Variants in ANK1 observed in about 807,000 individuals in gnomAD.
ANK1 encodes ankyrin-1.
Under a neutral mutation model 210.4 loss-of-function variants are expected in ANK1, and 51 were observed. The observed-to-expected ratio is 0.24, with a 90% CI of 0.19 to 0.31. The LOEUF is 0.31. Ranked by LOEUF, ANK1 falls within the 10% of genes least tolerant of loss-of-function variation. The pLI, the probability that ANK1 is intolerant of heterozygous loss-of-function variation, is 1.00. For missense variants in ANK1, 2,051 were observed against 2,504.4 expected (o/e 0.82, Z 3.86); for synonymous variants, 967 against 1,025.9 (o/e 0.94, Z 1.10).
chr8:41,754,523 G>C (rs146600072), intron 2 of ANK1, among the ~76,000 whole-genome samples: 33 of 152,318 alleles, frequency 2.2e-4, no homozygotes, highest in Non-Finnish European at 3.5e-4. Context: ...CTATTTGAAA[G>C]TGTGTTACTT....
chr8:41,798,309 G>T (rs1004640064), upstream of ANK1, among the ~76,000 whole-genome samples: 1 of 152,186 alleles, frequency 6.6e-6, no homozygotes, highest in African/African-American at 2.4e-5. Context: ...CTTAGTGGCC[G>T]ATTTGCAGGG....
intron 2 of ANK1, among the ~76,000 whole-genome samples, chr8:41,752,223 A>G (rs1037490327): frequency 2.6e-5 from 4 of 151,886 alleles, no homozygotes; most frequent in African/African-American, 7.3e-5. Flanking sequence ...GCTATTGTCT[A>G]TTTCCTTCAC....
rs188236496 is a variant in ANK1 at position 41,742,029 on chromosome 8, C to A, written c.130-7960G>T. ...TGACAGGATTGTTCTGAAAAGCGAT[C>A]TGTGTGATGGGCGGGGAAGGAGACC... On this transcript the variant is annotated intron_variant, in intron 2 of 42. Transcript: ENST00000289734. Among the ~76,000 whole-genome samples, 275 of 152,304 alleles carry A rather than the reference C, an allele frequency of 1.8e-3. 1 individual carries two copies. The highest frequency in any genetic ancestry group is 6.3e-3 in the African/African-American group (263 of 41,564).
intron 24 of ANK1, 107 bp from the exon 25 acceptor site, chr8:41,696,880 C>A: frequency 9.1e-7 from 1 of 1,104,546 alleles, no homozygotes. Flanking sequence ...AACCAGGTGC[C>A]ACGTGGAGAA....
At chr8:41,769,163 T>TA (rs1842498453) in intron 1 of ANK1, among the ~76,000 whole-genome samples, 1 of 152,126 alleles carries the variant, frequency 6.6e-6, no homozygotes, top group Non-Finnish European at 1.5e-5. Flanking sequence ...CCATGGGGGT[T>TA]AAAAAACTGG....
chr8:41,780,076 C>T (rs553266542), intron 1 of ANK1, among the ~76,000 whole-genome samples: 2 of 152,298 alleles, frequency 1.3e-5, no homozygotes, highest in South Asian at 2.1e-4. Context: ...CAAGTGCCTA[C>T]CCTGTGCTGA....
intron 2 of ANK1, among the ~76,000 whole-genome samples, chr8:41,756,815 G>A (rs1305722371): frequency 6.6e-6 from 1 of 152,172 alleles, no homozygotes; most frequent in Non-Finnish European, 1.5e-5. Flanking sequence ...GAGGCATGTC[G>A]CCCATGGAAA....
At chr8:41,655,826 G>T in intron 42 of ANK1, 73 bp from the exon 43 acceptor site, 1 of 1,535,342 alleles carries the variant, frequency 6.5e-7, no homozygotes, top group Non-Finnish European at 9.0e-7. Flanking sequence ...CCCACACACA[G>T]AGTTTTGTGC....
intron 1 of ANK1, among the ~76,000 whole-genome samples, chr8:41,839,685 A>C (rs550222181): frequency 6.6e-6 from 1 of 152,286 alleles, no homozygotes; most frequent in African/African-American, 2.4e-5. Context: ...CTCAGCCAAA[A>C]TGACATTCCA....
intron 1 of ANK1, among the ~76,000 whole-genome samples, chr8:41,892,600 C>T (rs887448599): frequency 3.9e-5 from 6 of 152,192 alleles, no homozygotes; most frequent in Admixed American, 2.6e-4. Context: ...GAATCCACTG[C>T]ACCAAAAGAT....
intron 1 of ANK1, among the ~76,000 whole-genome samples, chr8:41,818,467 A>G (rs2150787520): frequency 6.6e-6 from 1 of 152,362 alleles, no homozygotes; most frequent in African/African-American, 2.4e-5. Context: ...CAGTTGGATT[A>G]TACCATAGGT....
At position 41,690,232 on chromosome 8, in the gene ANK1, C is replaced by T. The variant is rs148620640; in HGVS notation, c.4099G>A (p.Ala1367Thr). The T allele has an allele frequency of 3.2e-4, 511 of 1,614,018 alleles. 10 individuals carry two copies. The highest frequency in any genetic ancestry group is 7.6e-4 in the South Asian group (69 of 91,090). ...CHLNITMPPCAKGSGAEDRRR... is the reference protein window; with the variant it reads ...CHLNITMPPCTKGSGAEDRRR... ...CTCGGCAGGTGCCAGCTCACCTTGG[C>T]GCAGGGGGGCATGGTGATGTTCAGG... Residue 1367 changes from alanine to threonine, a missense_variant, in exon 33 of 43, where the codon GCC becomes ACC. This residue lies in a region of ANK1 where 1,413 missense variants were observed against 1,707.4 expected (regional missense o/e 0.83). Transcript: ENST00000289734.
intron 1 of ANK1, among the ~76,000 whole-genome samples, chr8:41,770,205 A>G (rs1207995270): frequency 6.7e-6 from 1 of 148,888 alleles, no homozygotes; most frequent in Non-Finnish European, 1.5e-5. Flanking sequence ...CTGGTCTTGA[A>G]CTCCTGACCT....
In ANK1 at chr8:41,703,449, TA is replaced by T. The variant is rs1400768297; in HGVS notation, c.2295+591del. Among the ~76,000 whole-genome samples, 149 of 58,692 alleles carry T rather than the reference TA, an allele frequency of 2.5e-3. 2 individuals are homozygous for T. The highest frequency in any genetic ancestry group is 6.1e-3 in the African/African-American group (117 of 19,094). 38.5% of individuals were successfully genotyped at this position (58,692 alleles called of 152,430 possible). A position where few individuals can be genotyped will look rare whatever the true frequency, so the allele number is the denominator to read the frequency against. On this transcript the variant is annotated intron_variant, in intron 20 of 42. Coordinates refer to ENST00000289734, the MANE Select transcript of ANK1 (RefSeq NM_000037.4). ...ATATATATATATATATATATATATA[TA>T]TTTTTTTTTTTTTTTTAAGACACAA... is the stretch of plus-strand genomic sequence containing the variant.
intron 1 of ANK1, among the ~76,000 whole-genome samples, chr8:41,844,565 G>C (rs969271603): frequency 6.6e-6 from 1 of 152,076 alleles, no homozygotes; most frequent in Non-Finnish European, 1.5e-5. Flanking sequence ...CAGGAGCTGC[G>C]GTCAAAGCCT....
At chr8:41,743,999 G>A (rs1835433155) in intron 2 of ANK1, among the ~76,000 whole-genome samples, 1 of 152,186 alleles carries the variant, frequency 6.6e-6, no homozygotes, top group African/African-American at 2.4e-5. Context: ...GGGTGGGGCA[G>A]GGCAAGTACA....
chr8:41,664,207 C>A, intron 39 of ANK1: 1 of 456,910 alleles, frequency 2.2e-6, no homozygotes, highest in Non-Finnish European at 4.4e-6. Flanking sequence ...CATGGTGGCT[C>A]ACGCCTGCTA....
chr8:41,850,623 G>A (rs554057224), intron 1 of ANK1, among the ~76,000 whole-genome samples: 36 of 152,288 alleles, frequency 2.4e-4, no homozygotes, highest in African/African-American at 8.4e-4. Context: ...TGGGACTACA[G>A]GTATGAGCCA....
chr8:41,824,779 CT>C (rs1369540030), intron 1 of ANK1, among the ~76,000 whole-genome samples: 1 of 152,146 alleles, frequency 6.6e-6, no homozygotes, highest in Non-Finnish European at 1.5e-5. Flanking sequence ...TTCAAGGCAT[CT>C]GGTCAGGAGT....
Sources: gnomAD v4.1 joint callset for allele counts (sites outside exome capture counted in the v4.1 genomes callset) on GRCh38, gnomAD v4.1.1 for gene constraint, gnomAD v4.1.1 regional missense constraint, MANE v1.5 for transcripts, NCBI Gene and HGNC (gene_info 2026-07-23, HGNC 2026-07-21) for gene names.